SAMTOR: variants seen among roughly 807,000 people sequenced by gnomAD.
The protein encoded by SAMTOR is S-adenosylmethionine sensor upstream of mTORC1.
the SAMTOR span, among the ~76,000 whole-genome samples, chr7:112,936,172 A>T: frequency 6.6e-6 from 1 of 152,216 alleles, no homozygotes; most frequent in African/African-American, 2.4e-5. Context: ...CTAGATAGTG[A>T]AAAACCTATC....
the SAMTOR span, among the ~76,000 whole-genome samples, chr7:112,840,984 T>C: frequency 1.3e-5 from 2 of 152,016 alleles, no homozygotes; most frequent in South Asian, 2.1e-4. Context: ...TCATACTGAA[T>C]AGGCAAAAAC....
the SAMTOR span, among the ~76,000 whole-genome samples, chr7:112,853,887 T>C: frequency 6.6e-6 from 1 of 152,116 alleles, no homozygotes; most frequent in Non-Finnish European, 1.5e-5. Flanking sequence ...TGCTTTGAAG[T>C]AGGGGAATGA....
the SAMTOR span, chr7:112,939,330 C>G: frequency 1.5e-5 from 8 of 544,068 alleles, no homozygotes; most frequent in Non-Finnish European, 2.3e-5. Context: ...CGGCTGGGGA[C>G]AGGGGCTTGG....
the SAMTOR span, among the ~76,000 whole-genome samples, chr7:112,849,908 T>A: frequency 6.6e-5 from 10 of 152,208 alleles, no homozygotes; most frequent in African/African-American, 2.4e-4. Context: ...TGATTGCATA[T>A]GTTAAACCAT....
At chr7:112,826,577 C>T in the SAMTOR span, among the ~76,000 whole-genome samples, 1 of 152,158 alleles carries the variant, frequency 6.6e-6, no homozygotes, top group East Asian at 1.9e-4. Context: ...AAAGAACTAG[C>T]TTTTGCTTTC....
the SAMTOR span, among the ~76,000 whole-genome samples, chr7:112,856,564 G>A: frequency 6.6e-6 from 1 of 152,132 alleles, no homozygotes; most frequent in South Asian, 2.1e-4. Flanking sequence ...GCAAATACCA[G>A]CTTAGCAGCA....
the SAMTOR span, among the ~76,000 whole-genome samples, chr7:112,892,250 C>G: frequency 6.6e-6 from 1 of 152,062 alleles, no homozygotes; most frequent in Non-Finnish European, 1.5e-5. Flanking sequence ...ACTTCTAATT[C>G]TAGTTTTTCC....
At chr7:112,879,015 C>G in the SAMTOR span, among the ~76,000 whole-genome samples, 1 of 151,316 alleles carries the variant, frequency 6.6e-6, no homozygotes, top group Non-Finnish European at 1.5e-5. Context: ...CGGAAGGGGT[C>G]AAAAATAAAT....
the SAMTOR span, chr7:112,821,441 T>C: frequency 4.9e-6 from 1 of 202,364 alleles, no homozygotes. Context: ...GGAAAACATA[T>C]AGCAAATTAT....
the SAMTOR span, among the ~76,000 whole-genome samples, chr7:112,864,900 C>T: frequency 6.6e-6 from 1 of 152,080 alleles, no homozygotes; most frequent in East Asian, 1.9e-4. Flanking sequence ...GACAGAGGTG[C>T]GTAGCACCGT....
At chr7:112,907,732 T>C in the SAMTOR span, among the ~76,000 whole-genome samples, 1 of 152,132 alleles carries the variant, frequency 6.6e-6, no homozygotes, top group East Asian at 1.9e-4. Context: ...AAGAGAAATG[T>C]AAAATAAACT....
chr7:112,929,346 C>T, the SAMTOR span, among the ~76,000 whole-genome samples: 1 of 151,952 alleles, frequency 6.6e-6, no homozygotes, highest in East Asian at 1.9e-4. Flanking sequence ...GGGTGCTCAA[C>T]AAAACTAATC....
the SAMTOR span, among the ~76,000 whole-genome samples, chr7:112,921,841 C>G: frequency 1.4e-5 from 2 of 145,570 alleles, no homozygotes; most frequent in East Asian, 4.1e-4. Context: ...TGAAAAAATG[C>G]TCACCATCAC....
At chr7:112,879,908 A>G in the SAMTOR span, among the ~76,000 whole-genome samples, 1 of 152,210 alleles carries the variant, frequency 6.6e-6, no homozygotes, top group Non-Finnish European at 1.5e-5. Flanking sequence ...AATTTTACAT[A>G]TAAGTCTAGT....
the SAMTOR span, among the ~76,000 whole-genome samples, chr7:112,930,412 CAT>C: frequency 6.7e-4 from 102 of 151,528 alleles, no homozygotes; most frequent in African/African-American, 2.4e-3. Context: ...TTATAGCCAA[CAT>C]GTTATGAATA....
chr7:112,915,548 G>C, the SAMTOR span: 1 of 901,326 alleles, frequency 1.1e-6, no homozygotes, highest in African/African-American at 1.7e-5. Flanking sequence ...ATAAATACAA[G>C]CAAAATTATA....
the SAMTOR span, among the ~76,000 whole-genome samples, chr7:112,860,804 C>T: frequency 1.0e-4 from 15 of 149,180 alleles, no homozygotes; most frequent in Non-Finnish European, 1.8e-4. Flanking sequence ...CCCAGCTACT[C>T]GGGAGGCTGG....
chr7:112,874,306 T>C, the SAMTOR span, among the ~76,000 whole-genome samples: 4 of 152,176 alleles, frequency 2.6e-5, no homozygotes, highest in South Asian at 6.2e-4. Flanking sequence ...TGTCCATCAA[T>C]AGTGGACTAA....
At chr7:112,908,678 T>C in the SAMTOR span, among the ~76,000 whole-genome samples, 1 of 152,136 alleles carries the variant, frequency 6.6e-6, no homozygotes, top group Non-Finnish European at 1.5e-5. Flanking sequence ...TATATGTACA[T>C]ATGCATATGT....
Sources: gnomAD v4.1 joint callset for allele counts (sites outside exome capture counted in the v4.1 genomes callset) on GRCh38, gnomAD v4.1.1 for gene constraint, MANE v1.5 for transcripts, NCBI Gene and HGNC (gene_info 2026-07-23, HGNC 2026-07-21) for gene names.